RBFOX1: variants seen among roughly 807,000 people sequenced by gnomAD.
The protein encoded by RBFOX1 is RNA binding protein fox-1 homolog 1.
A neutral mutation model predicts 57.7 loss-of-function variants in RBFOX1; 8 were observed. The ratio of observed to expected loss-of-function variants is 0.14; its 90% CI spans 0.08 to 0.25. The LOEUF (loss-of-function observed/expected upper bound fraction) is 0.25, where lower values mean the gene tolerates loss of function less well. RBFOX1 is among the 10% of genes least tolerant of loss of function. RBFOX1 has a pLI of 1.00. For missense variants in RBFOX1, 611 were observed against 548.5 expected (o/e 1.11, Z -1.14); for synonymous variants, 326 against 222.4 (o/e 1.47, Z -4.15).
chr16:7,549,752 C>G lies in RBFOX1; in HGVS notation c.271-30025C>G, dbSNP rs1002653255. ...CCTGCCTTTATTCTGGCCACGCTGA[C>G]CACTGATTAGATTTGTGTCCACTCA... On this transcript the variant is annotated intron_variant, in intron 5 of 15. Coordinates refer to ENST00000550418, the MANE Select transcript of RBFOX1 (RefSeq NM_018723.4). Among the ~76,000 whole-genome samples, 7 of 152,224 alleles carry G rather than the reference C, an allele frequency of 4.6e-5. No individual in the cohort carries two copies. The South Asian group carries it at 1.5e-3, about 32-fold the overall frequency.
intron 3 of RBFOX1, among the ~76,000 whole-genome samples, chr16:6,880,103 T>A (rs1359083984): frequency 2.0e-5 from 3 of 152,196 alleles, no homozygotes; most frequent in Non-Finnish European, 4.4e-5. Context: ...GAGAGTCCCC[T>A]GACCTTTCGA....
At chr16:5,897,016 CTTTTTTTTTTTTTTT>C (rs575235024) in intron 4 of RBFOX1, among the ~76,000 whole-genome samples, 10 of 56,460 alleles carry the variant, frequency 1.8e-4, no homozygotes, top group Admixed American at 6.0e-4. Context: ...TATCCATCCG[CTTTTTTTTTTTTTTT>C]TTTTTTTTTT....
intron 2 of RBFOX1, among the ~76,000 whole-genome samples, chr16:6,344,835 C>A (rs1279347931): frequency 6.6e-6 from 1 of 151,064 alleles, no homozygotes; most frequent in Non-Finnish European, 1.5e-5. Context: ...GGATTATAGG[C>A]ATGTGCCACC....
At chr16:7,593,482 T>C (rs921245914) in intron 7 of RBFOX1, among the ~76,000 whole-genome samples, 1 of 152,182 alleles carries the variant, frequency 6.6e-6, no homozygotes, top group Non-Finnish European at 1.5e-5. Context: ...CCTTCTGTTA[T>C]GGAGCAAATA....
At chr16:6,399,098 C>T (rs1298935558) in intron 2 of RBFOX1, among the ~76,000 whole-genome samples, 1 of 152,232 alleles carries the variant, frequency 6.6e-6, no homozygotes, top group Non-Finnish European at 1.5e-5. Flanking sequence ...TTGGGGCTTG[C>T]ACCCTCTGAA....
At chr16:7,071,824 C>A (rs1008729716) in intron 4 of RBFOX1, among the ~76,000 whole-genome samples, 1 of 152,004 alleles carries the variant, frequency 6.6e-6, no homozygotes, top group African/African-American at 2.4e-5. Flanking sequence ...ACACACACAC[C>A]TGCCCATTAA....
At chr16:7,573,791 T>C (rs1056317924) in intron 5 of RBFOX1, among the ~76,000 whole-genome samples, 1 of 151,274 alleles carries the variant, frequency 6.6e-6, no homozygotes, top group Non-Finnish European at 1.5e-5. Context: ...GGTAAGATTG[T>C]GCCACTAGAC....
At chr16:6,636,884 T>G (rs2098440597) in intron 2 of RBFOX1, among the ~76,000 whole-genome samples, 2 of 127,600 alleles carry the variant, frequency 1.6e-5, no homozygotes, top group Non-Finnish European at 3.2e-5. Flanking sequence ...TTTAATATAT[T>G]TATATGTTTA....
intron 14 of RBFOX1, among the ~76,000 whole-genome samples, chr16:7,678,917 T>G (rs1371108041): frequency 6.6e-6 from 1 of 152,190 alleles, no homozygotes; most frequent in East Asian, 1.9e-4. Context: ...AGTACCATAG[T>G]TTCAGTTGAA....
chr16:5,916,918 A>G (rs1236169665), intron 4 of RBFOX1, among the ~76,000 whole-genome samples: 1 of 152,078 alleles, frequency 6.6e-6, no homozygotes, highest in African/African-American at 2.4e-5. Context: ...TCAGGACTGA[A>G]TTCAGCTGTG....
chr16:5,737,752 C>G (rs986375716), intron 3 of RBFOX1, among the ~76,000 whole-genome samples: 20 of 152,086 alleles, frequency 1.3e-4, no homozygotes, highest in Non-Finnish European at 2.5e-4. Flanking sequence ...AACTAAAAAC[C>G]CTGACTTGTA....
chr16:5,402,083 G>T (rs1403661169), intron 1 of RBFOX1, among the ~76,000 whole-genome samples: 1 of 152,088 alleles, frequency 6.6e-6, no homozygotes, highest in Non-Finnish European at 1.5e-5. Context: ...GTACTCCCGG[G>T]CTAAGAACAA....
chr16:5,816,881 C>T (rs955194521), intron 3 of RBFOX1, among the ~76,000 whole-genome samples: 1 of 152,112 alleles, frequency 6.6e-6, no homozygotes, highest in Non-Finnish European at 1.5e-5. Context: ...TTTGTGTGTA[C>T]ATAGTAGGTG....
chr16:6,920,229 G>C (rs757311804), intron 3 of RBFOX1, among the ~76,000 whole-genome samples: 1 of 146,722 alleles, frequency 6.8e-6, no homozygotes, highest in African/African-American at 2.5e-5. Context: ...AAATTGTGCT[G>C]CTATAAACAT....
chr16:6,472,237 G>C (rs1017133034), intron 2 of RBFOX1, among the ~76,000 whole-genome samples: 6 of 152,228 alleles, frequency 3.9e-5, no homozygotes, highest in Admixed American at 1.3e-4. Context: ...GACCGATGAA[G>C]GCCAGGCTGT....
intron 4 of RBFOX1, among the ~76,000 whole-genome samples, chr16:5,951,853 C>CGT (rs144410123): frequency 2.0e-5 from 3 of 150,732 alleles, no homozygotes; most frequent in South Asian, 2.1e-4. Flanking sequence ...AGTGTGTGCG[C>CGT]GTGTGTGTGT....
At chr16:5,595,243 C>A (rs551668265) in intron 2 of RBFOX1, among the ~76,000 whole-genome samples, 2 of 152,308 alleles carry the variant, frequency 1.3e-5, no homozygotes, top group South Asian at 2.1e-4. Context: ...CCTTCTAATG[C>A]CACCTCTGGG....
At chr16:7,369,237 C>G (rs1484742594) in intron 4 of RBFOX1, among the ~76,000 whole-genome samples, 1 of 151,966 alleles carries the variant, frequency 6.6e-6, no homozygotes, top group African/African-American at 2.4e-5. Flanking sequence ...CACACCCAAA[C>G]AAACAGAAAC....
At chr16:5,425,346 C>G (rs529058544) in intron 1 of RBFOX1, among the ~76,000 whole-genome samples, 12 of 152,146 alleles carry the variant, frequency 7.9e-5, no homozygotes, top group African/African-American at 2.4e-4. Flanking sequence ...CCTCATGATC[C>G]GCCCACCTTG....
Sources: gnomAD v4.1 joint callset for allele counts (sites outside exome capture counted in the v4.1 genomes callset) on GRCh38, gnomAD v4.1.1 for gene constraint, MANE v1.5 for transcripts, NCBI Gene and HGNC (gene_info 2026-07-23, HGNC 2026-07-21) for gene names.